CSMD1: variants seen among roughly 807,000 people sequenced by gnomAD.
CSMD1 encodes the protein CUB and Sushi multiple domains 1.
In CSMD1, 213 loss-of-function variants were observed where a neutral mutation model predicts 417.5. The ratio of observed to expected loss-of-function variants is 0.51; its 90% CI spans 0.46 to 0.57. The LOEUF (loss-of-function observed/expected upper bound fraction) is 0.57. CSMD1 is among the 20% of genes least tolerant of loss of function. The pLI is 0.00. For missense variants in CSMD1, 6,923 were observed against 4,529.7 expected (o/e 1.53, Z -15.17); for synonymous variants, 2,862 against 1,736.8 (o/e 1.65, Z -16.11).
chr8:4,827,162 A>T (rs540300891), intron 1 of CSMD1, among the ~76,000 whole-genome samples: 1 of 152,304 alleles, frequency 6.6e-6, no homozygotes, highest in Admixed American at 6.5e-5. Flanking sequence ...CAGGTATACT[A>T]GCAAAGTTTT....
intron 1 of CSMD1, among the ~76,000 whole-genome samples, chr8:4,911,849 T>A (rs1344821455): frequency 6.6e-6 from 1 of 152,080 alleles, no homozygotes; most frequent in East Asian, 1.9e-4. Flanking sequence ...TCTCTCCAAA[T>A]AAATTTGACA....
intron 3 of CSMD1, among the ~76,000 whole-genome samples, chr8:4,327,807 G>A (rs1799644638): frequency 6.6e-6 from 1 of 152,080 alleles, no homozygotes; most frequent in Non-Finnish European, 1.5e-5. Context: ...TTGCTAAAAT[G>A]TCTCCTGTAA....
intron 11 of CSMD1, chr8:3,469,045 C>T (rs552885029): frequency 5.7e-5 from 21 of 366,792 alleles, no homozygotes; most frequent in East Asian, 8.6e-5. Context: ...GCTGCCAATT[C>T]GTGAATTTTC....
At chr8:4,505,789 C>T (rs1010618459) in intron 2 of CSMD1, among the ~76,000 whole-genome samples, 3 of 152,004 alleles carry the variant, frequency 2.0e-5, no homozygotes, top group South Asian at 2.1e-4. Context: ...CATATGAGTT[C>T]CACACTCATG....
At chr8:4,914,583 G>GAAAAAAAAAAA (rs59293226) in intron 1 of CSMD1, among the ~76,000 whole-genome samples, 3 of 133,682 alleles carry the variant, frequency 2.2e-5, no homozygotes. Context: ...CTCCCAAAAA[G>GAAAAAAAAAAA]AAAAAAAAAA....
chr8:4,085,852 C>A (rs1389650639), intron 3 of CSMD1, among the ~76,000 whole-genome samples: 1 of 152,110 alleles, frequency 6.6e-6, no homozygotes, highest in African/African-American at 2.4e-5. Context: ...CCCAGAGTTT[C>A]CCTGTCAGTA....
chr8:4,711,341 A>G (rs1808283385), intron 1 of CSMD1, among the ~76,000 whole-genome samples: 1 of 152,176 alleles, frequency 6.6e-6, no homozygotes, highest in Non-Finnish European at 1.5e-5. Context: ...TGTTTTGACT[A>G]TTTATTGATA....
intron 3 of CSMD1, among the ~76,000 whole-genome samples, chr8:4,396,616 TACACACAC>T (rs143703195): frequency 8.7e-5 from 13 of 148,576 alleles, no homozygotes; most frequent in African/African-American, 1.2e-4. Flanking sequence ...GAAAATGTGA[TACACACAC>T]ACACACACAC....
chr8:4,641,454 C>T (rs1290066949), intron 1 of CSMD1, among the ~76,000 whole-genome samples: 1 of 152,100 alleles, frequency 6.6e-6, no homozygotes, highest in Admixed American at 6.5e-5. Flanking sequence ...TAAATTCTGT[C>T]TTATACTGTT....
At chr8:4,673,194 A>T (rs149872476) in intron 1 of CSMD1, among the ~76,000 whole-genome samples, 3 of 152,230 alleles carry the variant, frequency 2.0e-5, no homozygotes, top group African/African-American at 7.2e-5. Flanking sequence ...AAAGACATTT[A>T]TCAGGTACAA....
intron 8 of CSMD1, among the ~76,000 whole-genome samples, chr8:3,616,395 T>A (rs540923872): frequency 5.3e-5 from 8 of 152,334 alleles, no homozygotes; most frequent in Admixed American, 5.2e-4. Flanking sequence ...CCTTCTGCCA[T>A]GATTGTAAGT....
At chr8:3,405,584 A>G (rs1349885138) in intron 15 of CSMD1, among the ~76,000 whole-genome samples, 1 of 147,770 alleles carries the variant, frequency 6.8e-6, no homozygotes, top group East Asian at 2.0e-4. Flanking sequence ...TTGCAGATGA[A>G]TTTAGTTAGG....
chr8:4,228,897 G>C (rs1032266039), intron 3 of CSMD1, among the ~76,000 whole-genome samples: 1 of 152,042 alleles, frequency 6.6e-6, no homozygotes, highest in East Asian at 1.9e-4. Flanking sequence ...GGCCAGGCTG[G>C]TCTTGAACTC....
At chr8:4,206,631 G>A (rs11784221) in intron 3 of CSMD1, among the ~76,000 whole-genome samples, 404 of 152,308 alleles carry the variant, frequency 2.7e-3, no homozygotes, top group Middle Eastern at 6.8e-3. Flanking sequence ...TGTGAACAGT[G>A]ATGCAATAAA....
intron 7 of CSMD1, among the ~76,000 whole-genome samples, chr8:3,699,485 A>C (rs766708495): frequency 6.6e-6 from 1 of 152,244 alleles, no homozygotes; most frequent in African/African-American, 2.4e-5. Flanking sequence ...TCCTTTAAAG[A>C]GGACTTGGTG....
chr8:3,529,612 A>G (rs1217399530), intron 10 of CSMD1, among the ~76,000 whole-genome samples: 1 of 152,226 alleles, frequency 6.6e-6, no homozygotes, highest in African/African-American at 2.4e-5. Context: ...TCTGACGCCT[A>G]GTTCGTGATT....
intron 7 of CSMD1, among the ~76,000 whole-genome samples, chr8:3,661,685 C>T (rs931139536): frequency 5.9e-5 from 9 of 152,088 alleles, no homozygotes; most frequent in East Asian, 3.9e-4. Context: ...TTAGTAGAGA[C>T]GGGATTTCAC....
At chr8:3,747,385 T>G (rs1273599814) in intron 6 of CSMD1, among the ~76,000 whole-genome samples, 1 of 54,242 alleles carries the variant, frequency 1.8e-5, no homozygotes, top group Non-Finnish European at 3.8e-5. Context: ...TTGAAAACAC[T>G]TTTTTCACAG....
chr8:3,982,312 T>C (rs1039644294), intron 5 of CSMD1, among the ~76,000 whole-genome samples: 9 of 151,778 alleles, frequency 5.9e-5, no homozygotes, highest in Admixed American at 2.6e-4. Context: ...CAGCATAAAT[T>C]ACACAATCCT....
Sources: gnomAD v4.1 joint callset for allele counts (sites outside exome capture counted in the v4.1 genomes callset) on GRCh38, gnomAD v4.1.1 for gene constraint, MANE v1.5 for transcripts, NCBI Gene and HGNC (gene_info 2026-07-23, HGNC 2026-07-21) for gene names.